The following OSBP2 variants were observed in gnomAD, a reference collection of about 807,000 sequenced individuals.
The protein encoded by OSBP2 is oxysterol binding protein 2, also known as oxysterol-binding protein 2.
A neutral mutation model predicts 96.0 loss-of-function variants in OSBP2; 66 were observed. That is an observed-to-expected ratio of 0.69 (90% CI 0.56 to 0.84). The LOEUF (loss-of-function observed/expected upper bound fraction) is 0.84. OSBP2 is among the 40% of genes least tolerant of loss of function. OSBP2 has a pLI of 0.00. For missense variants in OSBP2, 1,038 were observed against 1,222.7 expected (o/e 0.85, Z 2.25); for synonymous variants, 525 against 520.9 (o/e 1.01, Z -0.11).
At chr22:30,714,908 G>T (rs531894996) in intron 1 of OSBP2, among the ~76,000 whole-genome samples, 1 of 152,104 alleles carries the variant, frequency 6.6e-6, no homozygotes, top group Non-Finnish European at 1.5e-5. Flanking sequence ...GAGCCACCAC[G>T]CCCAGCCTTC....
intron 1 of OSBP2, among the ~76,000 whole-genome samples, chr22:30,737,024 C>CT (rs981413337): frequency 4.0e-5 from 6 of 151,572 alleles, no homozygotes; most frequent in Non-Finnish European, 8.8e-5. Flanking sequence ...TTCTGGAACT[C>CT]TTTTTTTTTG....
At chr22:30,701,093 C>G (rs1339793962) in intron 1 of OSBP2, among the ~76,000 whole-genome samples, 1 of 147,256 alleles carries the variant, frequency 6.8e-6, no homozygotes, top group African/African-American at 2.5e-5. Context: ...GCAACTACGT[C>G]TCAAAAAAAA....
intron 2 of OSBP2, among the ~76,000 whole-genome samples, chr22:30,822,009 T>A (rs1267667675): frequency 6.6e-6 from 1 of 152,224 alleles, no homozygotes; most frequent in Non-Finnish European, 1.5e-5. Context: ...GCAGCAGAAC[T>A]AAGGGAGCCC....
Position 30,905,308 on chromosome 22 carries a change from T to C in OSBP2, c.2376-529T>C, listed in dbSNP as rs1266978365. On this transcript the variant is annotated intron_variant, in intron 12 of 13. Transcript: ENST00000332585. ...CTGGGATTACAGGTGCCTGCCACCA[T>C]GCCCAGCTAATTTTTAGTAGAAACG... is the stretch of plus-strand genomic sequence containing the variant. 2.6e-5 allele frequency among the ~76,000 whole-genome samples: 4 copies of C among 151,572 alleles called. No individual in the cohort carries two copies. In the East Asian group the frequency reaches 7.9e-4, roughly 30 times the overall value.
At chr22:30,849,528 C>T (rs1217140714) in intron 2 of OSBP2, among the ~76,000 whole-genome samples, 1 of 152,064 alleles carries the variant, frequency 6.6e-6, no homozygotes, top group Non-Finnish European at 1.5e-5. Flanking sequence ...TTCTTATTAG[C>T]CATTTGTATG....
intron 2 of OSBP2, among the ~76,000 whole-genome samples, chr22:30,790,841 C>G (rs978613449): frequency 6.6e-6 from 1 of 152,084 alleles, no homozygotes; most frequent in Non-Finnish European, 1.5e-5. Context: ...TTTGCTTCAT[C>G]GAATCACGTG....
At chr22:30,718,164 A>G (rs2089492905) in intron 1 of OSBP2, among the ~76,000 whole-genome samples, 1 of 152,168 alleles carries the variant, frequency 6.6e-6, no homozygotes, top group African/African-American at 2.4e-5. Flanking sequence ...CCATTGGCTG[A>G]ATCAAGGCAT....
At chr22:30,899,413 A>G (rs1393759287) in intron 12 of OSBP2, among the ~76,000 whole-genome samples, 5 of 151,888 alleles carry the variant, frequency 3.3e-5, no homozygotes, top group African/African-American at 4.8e-5. Flanking sequence ...AAAAAAAAAA[A>G]AAAAAGAAAA....
At chr22:30,749,630 T>C (rs1179345508) in intron 2 of OSBP2, among the ~76,000 whole-genome samples, 3 of 151,842 alleles carry the variant, frequency 2.0e-5, no homozygotes, top group Admixed American at 2.0e-4. Flanking sequence ...ATTTTTGAGA[T>C]GGAGTCTTGC....
chr22:30,876,211 C>T (rs549058708), intron 3 of OSBP2, among the ~76,000 whole-genome samples: 83 of 152,364 alleles, frequency 5.4e-4, no homozygotes, highest in African/African-American at 1.8e-3. Flanking sequence ...GGGCTGTCAT[C>T]GTGCGCAGGT....
At chr22:30,770,062 G>T (rs1474525751) in intron 2 of OSBP2, among the ~76,000 whole-genome samples, 1 of 151,404 alleles carries the variant, frequency 6.6e-6, no homozygotes, top group Non-Finnish European at 1.5e-5. Flanking sequence ...TGCCATGTAC[G>T]ATGTGAATTT....
intron 1 of OSBP2, among the ~76,000 whole-genome samples, chr22:30,710,436 A>C (rs565919659): frequency 6.6e-6 from 1 of 152,066 alleles, no homozygotes; most frequent in Non-Finnish European, 1.5e-5. Context: ...CACTACTGTC[A>C]TTACCCTTAA....
At chr22:30,805,566 T>C (rs2090917868) in intron 2 of OSBP2, among the ~76,000 whole-genome samples, 1 of 152,248 alleles carries the variant, frequency 6.6e-6, no homozygotes, top group Admixed American at 6.5e-5. Flanking sequence ...AGGATTGGCA[T>C]GTGGGTGCTC....
chr22:30,819,098 G>T (rs1463073493), intron 2 of OSBP2, among the ~76,000 whole-genome samples: 3 of 152,204 alleles, frequency 2.0e-5, no homozygotes, highest in African/African-American at 7.2e-5. Flanking sequence ...ACTTTGAGAG[G>T]CCAAGGTGGG....
chr22:30,737,295 C>T (rs914849682), intron 1 of OSBP2, among the ~76,000 whole-genome samples: 3 of 143,642 alleles, frequency 2.1e-5, no homozygotes, highest in African/African-American at 7.7e-5. Flanking sequence ...GGATTACAGG[C>T]GTGAGCCACT....
chr22:30,778,187 TTTTA>T, intron 2 of OSBP2, among the ~76,000 whole-genome samples: 2 of 145,588 alleles, frequency 1.4e-5, no homozygotes, highest in African/African-American at 5.1e-5. Flanking sequence ...TTTTTTTTTT[TTTTA>T]GTAGAGATGG....
At chr22:30,901,364 C>A (rs2040190013) in intron 12 of OSBP2, among the ~76,000 whole-genome samples, 1 of 152,078 alleles carries the variant, frequency 6.6e-6, no homozygotes, top group South Asian at 2.1e-4. Context: ...CCACCATGCC[C>A]AGCCCACATA....
At chr22:30,770,954 G>C (rs555556079) in intron 2 of OSBP2, among the ~76,000 whole-genome samples, 99 of 152,282 alleles carry the variant, frequency 6.5e-4, no homozygotes, top group African/African-American at 2.4e-3. Flanking sequence ...GAGTCATCTC[G>C]GCTCATTGCA....
At chr22:30,744,173 C>T (rs1250701648) in intron 2 of OSBP2, among the ~76,000 whole-genome samples, 2 of 152,122 alleles carry the variant, frequency 1.3e-5, no homozygotes, top group Admixed American at 6.6e-5. Context: ...GGAAAATAGC[C>T]CTTTTGATGG....
Sources: allele counts gnomAD v4.1 joint callset (sites outside exome capture counted in the v4.1 genomes callset), GRCh38; gene constraint gnomAD v4.1.1; transcripts MANE v1.5; gene names NCBI Gene and HGNC (gene_info 2026-07-23, HGNC 2026-07-21).